The following SMARCC1 variants were observed in gnomAD, a reference collection of about 807,000 sequenced individuals.
SMARCC1 encodes the protein SWI/SNF related BAF chromatin remodeling complex subunit C1, also known as SWI/SNF complex subunit SMARCC1.
A neutral mutation model predicts 147.4 loss-of-function variants in SMARCC1; 43 were observed. The ratio of observed to expected loss-of-function variants is 0.29; its 90% confidence interval spans 0.23 to 0.38. SMARCC1 has a LOEUF of 0.38. SMARCC1 is among the 10% of genes least tolerant of loss of function. The pLI is 1.00. For missense variants in SMARCC1, 1,119 were observed against 1,381.1 expected, an observed-to-expected ratio of 0.81 and a Z score of 3.01; for synonymous variants, 495 against 484.4, an observed-to-expected ratio of 1.02 and a Z score of -0.29.
intron 7 of SMARCC1, among the ~76,000 whole-genome samples, chr3:47,717,544 A>T (rs903979690): frequency 2.0e-5 from 3 of 152,178 alleles, no homozygotes; most frequent in Non-Finnish European, 2.9e-5. Context: ...GTGTCATTTA[A>T]TTGACAACAT....
Position 47,627,269 on chromosome 3 carries a change from T to C in SMARCC1, c.2647-4928A>G, listed in dbSNP as rs578246405. Among the ~76,000 whole-genome samples the C allele has an allele frequency of 3.3e-5, 5 of 151,972 alleles. No individual in the cohort carries two copies. In the South Asian group the frequency reaches 1.0e-3, roughly 32 times the overall value. On this transcript the variant is annotated intron_variant, in intron 24 of 27. Transcript: ENST00000254480. ...AAAATAGTACTGAAGGTTGAAGAAATAGATCTTTATTATCTAGTAGCACAA... is the reference window on the plus strand; with the variant it reads ...AAAATAGTACTGAAGGTTGAAGAAACAGATCTTTATTATCTAGTAGCACAA...
At chr3:47,769,938 G>A (rs1199935185) in intron 2 of SMARCC1, among the ~76,000 whole-genome samples, 1 of 152,096 alleles carries the variant, frequency 6.6e-6, no homozygotes, top group Non-Finnish European at 1.5e-5. Flanking sequence ...GTAAAAATAA[G>A]GCTGGGGCCG....
intron 2 of SMARCC1, among the ~76,000 whole-genome samples, chr3:47,759,283 G>C (rs2034742704): frequency 6.6e-6 from 1 of 151,626 alleles, no homozygotes; most frequent in Admixed American, 6.6e-5. Context: ...AAAATGCTTG[G>C]ATTATGGGAG....
chr3:47,623,568 G>C (rs1470297207), intron 24 of SMARCC1, among the ~76,000 whole-genome samples: 2 of 152,156 alleles, frequency 1.3e-5, no homozygotes, highest in Non-Finnish European at 2.9e-5. Context: ...AGCTATTAAT[G>C]ATCATGTCTG....
chr3:47,609,390 G>A (rs1472676491), intron 26 of SMARCC1, among the ~76,000 whole-genome samples: 5 of 152,022 alleles, frequency 3.3e-5, no homozygotes, highest in African/African-American at 1.2e-4. Context: ...CCAGCTACTC[G>A]GGAGGCTGAG....
At chr3:47,697,367 C>T (rs1002861176) in intron 11 of SMARCC1, among the ~76,000 whole-genome samples, 11 of 150,432 alleles carry the variant, frequency 7.3e-5, no homozygotes, top group Admixed American at 4.6e-4. Context: ...CTGGCGTGAT[C>T]GTGGCTCACT....
chr3:47,710,269 G>C (rs890003424), intron 9 of SMARCC1, among the ~76,000 whole-genome samples: 47 of 152,274 alleles, frequency 3.1e-4, no homozygotes, highest in African/African-American at 1.1e-3. Context: ...AGTGAGCCGA[G>C]ATAGTGCCAC....
chr3:47,622,716 T>C (rs2032752423), intron 24 of SMARCC1, among the ~76,000 whole-genome samples: 1 of 152,078 alleles, frequency 6.6e-6, no homozygotes, highest in Non-Finnish European at 1.5e-5. Context: ...TTTCTAGGGG[T>C]GGGCAGGCAG....
chr3:47,705,519 C>T (rs1371119089), intron 10 of SMARCC1, among the ~76,000 whole-genome samples: 1 of 152,024 alleles, frequency 6.6e-6, no homozygotes, highest in Non-Finnish European at 1.5e-5. Flanking sequence ...TCCCTAAAGA[C>T]TTCTATTAGT....
In SMARCC1 at chr3:47,781,747, C is replaced by T; in HGVS notation, c.51G>A (p.Thr17=). 6.5e-7 allele frequency: 1 copy of T among 1,539,036 alleles called. No individual in the cohort carries two copies. Among genetic ancestry groups the T allele is most frequent in the Non-Finnish European group, 8.7e-7 (1 of 1,148,022 alleles). ...GGGPGTAVGA[T]GSGIAAAAAG... is the part of the protein sequence containing the mutation. Reference sequence around the variant, plus strand: ...CGGCTGCCGCCGCAATCCCCGAGCCCGTGGCGCCTACCGCTGTCCCCGGCC... The same window carrying T: ...CGGCTGCCGCCGCAATCCCCGAGCCTGTGGCGCCTACCGCTGTCCCCGGCC... Residue 17 remains threonine (T), a synonymous_variant, in exon 1 of 28, where the codon ACG becomes ACA. Coordinates refer to ENST00000254480, the MANE Select transcript of SMARCC1 (RefSeq NM_003074.4).
chr3:47,756,209 A>AC (rs1400676635), intron 2 of SMARCC1, among the ~76,000 whole-genome samples: 5 of 150,684 alleles, frequency 3.3e-5, no homozygotes, highest in Non-Finnish European at 7.4e-5. Flanking sequence ...TGAAGAAAAT[A>AC]CAGAAGAATA....
intron 20 of SMARCC1, among the ~76,000 whole-genome samples, chr3:47,662,025 C>T (rs2033353661): frequency 6.8e-6 from 1 of 147,442 alleles, no homozygotes; most frequent in Non-Finnish European, 1.5e-5. Context: ...CGGAGTCTTG[C>T]TCTATTGCCC....
chr3:47,751,163 G>A (rs940970820), intron 2 of SMARCC1, among the ~76,000 whole-genome samples: 8 of 152,054 alleles, frequency 5.3e-5, no homozygotes, highest in African/African-American at 1.9e-4. Context: ...CTCCCAAAGT[G>A]CTGGGATTAC....
intron 11 of SMARCC1, among the ~76,000 whole-genome samples, chr3:47,695,919 CA>C (rs2033845065): frequency 8.3e-6 from 1 of 119,850 alleles, no homozygotes; most frequent in Non-Finnish European, 1.7e-5. Context: ...CAAAAAAAAT[CA>C]GCCGGGCGTG....
intron 24 of SMARCC1, among the ~76,000 whole-genome samples, chr3:47,633,458 G>A (rs897953934): frequency 5.3e-5 from 8 of 151,894 alleles, no homozygotes; most frequent in African/African-American, 1.9e-4. Context: ...TTTATAATGC[G>A]AGAGGCCGGG....
At chr3:47,662,747 G>A (rs1303544593) in intron 19 of SMARCC1, among the ~76,000 whole-genome samples, 155 bp from the exon 20 acceptor site, 1 of 151,890 alleles carries the variant, frequency 6.6e-6, no homozygotes, top group Admixed American at 6.6e-5. Flanking sequence ...TTTTCAATCA[G>A]GCAAGTAAAA....
intron 1 of SMARCC1, among the ~76,000 whole-genome samples, chr3:47,781,335 G>A (rs982545736): frequency 2.0e-5 from 3 of 152,200 alleles, no homozygotes; most frequent in African/African-American, 7.2e-5. Flanking sequence ...TCGCTTAGTG[G>A]CTGAGCTCGA....
intron 7 of SMARCC1, among the ~76,000 whole-genome samples, chr3:47,717,522 A>C (rs1056094692): frequency 3.3e-5 from 5 of 152,116 alleles, no homozygotes; most frequent in African/African-American, 9.7e-5. Flanking sequence ...AACAACTATC[A>C]ATCAATCAAT....
chr3:47,762,823 T>C (rs1259533780), intron 2 of SMARCC1, among the ~76,000 whole-genome samples: 1 of 152,050 alleles, frequency 6.6e-6, no homozygotes, highest in Non-Finnish European at 1.5e-5. Context: ...TCCCAGCACT[T>C]TGGGAGGCCG....
Sources: gnomAD v4.1 joint callset for allele counts (sites outside exome capture counted in the v4.1 genomes callset) on GRCh38, gnomAD v4.1.1 for gene constraint, MANE v1.5 for transcripts, NCBI Gene and HGNC (gene_info 2026-07-23, HGNC 2026-07-21) for gene names.